The following GALNT13 variants were observed in gnomAD, a reference collection of about 807,000 sequenced individuals.
GALNT13 encodes the protein polypeptide N-acetylgalactosaminyltransferase 13, also known as UDP-GalNAc:polypeptide N-acetylgalactosaminyltransferase 13.
GALNT13 carries 28 observed loss-of-function variants against 64.2 expected under a neutral mutation model. That is an observed-to-expected ratio of 0.44 (90% CI 0.32 to 0.60). The LOEUF is 0.60. Among genes scored for constraint, GALNT13 ranks in the 20% least tolerant of loss-of-function variants. The probability of loss-of-function intolerance (pLI) is 0.05; values close to 1 mark genes in which losing one functional copy is unlikely to be tolerated. For missense variants in GALNT13, 577 were observed against 669.8 expected (o/e 0.86, Z 1.53); for synonymous variants, 214 against 224.6 (o/e 0.95, Z 0.42).
the GALNT13 span, among the ~76,000 whole-genome samples, chr2:153,441,388 T>C: frequency 1.2e-4 from 19 of 152,208 alleles, no homozygotes; most frequent in Non-Finnish European, 2.5e-4. Flanking sequence ...GCCTGATGCC[T>C]CCAGCTTTGT....
chr2:153,949,896 A>G (rs1438727735), intron 3 of GALNT13, among the ~76,000 whole-genome samples: 1 of 152,104 alleles, frequency 6.6e-6, no homozygotes, highest in Non-Finnish European at 1.5e-5. Context: ...AACCGAGAAT[A>G]AAGTGGCAAT....
chr2:154,022,250 A>G (rs879369728), intron 3 of GALNT13, among the ~76,000 whole-genome samples: 60 of 152,116 alleles, frequency 3.9e-4, no homozygotes, highest in Non-Finnish European at 7.1e-4. Flanking sequence ...CTCTTTTTCT[A>G]TTGATTGGAG....
the GALNT13 span, among the ~76,000 whole-genome samples, chr2:153,420,354 A>T: frequency 3.3e-5 from 5 of 152,324 alleles, no homozygotes; most frequent in African/African-American, 1.2e-4. Context: ...TTAAACATGT[A>T]TGACACTATT....
chr2:154,435,904 A>G (rs1033216511), intron 11 of GALNT13: 1 of 152,234 alleles, frequency 6.6e-6, no homozygotes, highest in Non-Finnish European at 1.5e-5. Context: ...TGGGTTAAAA[A>G]GCTAATGGAT....
chr2:153,725,722 T>C, the GALNT13 span, among the ~76,000 whole-genome samples: 3 of 151,498 alleles, frequency 2.0e-5, no homozygotes, highest in East Asian at 3.9e-4. Context: ...TGGATGCTAC[T>C]GGCAGCTGGT....
chr2:153,226,870 A>T, the GALNT13 span, among the ~76,000 whole-genome samples: 2 of 152,364 alleles, frequency 1.3e-5, no homozygotes, highest in East Asian at 1.9e-4. Context: ...CTAATGAAAG[A>T]TGTGAATAAT....
chr2:153,953,016 C>T (rs1407811645), intron 3 of GALNT13, among the ~76,000 whole-genome samples: 1 of 152,074 alleles, frequency 6.6e-6, no homozygotes, highest in African/African-American at 2.4e-5. Context: ...AGATGGTGCC[C>T]ACTCAGATTG....
At chr2:153,411,148 A>G in the GALNT13 span, among the ~76,000 whole-genome samples, 9 of 146,212 alleles carry the variant, frequency 6.2e-5, no homozygotes, top group East Asian at 1.4e-3. Flanking sequence ...GAGCCACTGT[A>G]CATGGCATAT....
the GALNT13 span, among the ~76,000 whole-genome samples, chr2:153,147,069 T>C: frequency 6.6e-6 from 1 of 151,954 alleles, no homozygotes; most frequent in South Asian, 2.1e-4. Flanking sequence ...TCTCATTTTA[T>C]AGGTGAGGAA....
At chr2:153,813,795 C>G in the GALNT13 span, among the ~76,000 whole-genome samples, 1 of 152,108 alleles carries the variant, frequency 6.6e-6, no homozygotes. Flanking sequence ...ACTTTAACAA[C>G]TATAATTTAT....
chr2:154,008,565 T>G (rs1003159602), intron 3 of GALNT13, among the ~76,000 whole-genome samples: 1 of 152,128 alleles, frequency 6.6e-6, no homozygotes, highest in Non-Finnish European at 1.5e-5. Flanking sequence ...TTGTAGTTTT[T>G]TGATCCCCAC....
chr2:154,244,341 G>A (rs1224863074), intron 6 of GALNT13, among the ~76,000 whole-genome samples: 4 of 152,084 alleles, frequency 2.6e-5, no homozygotes, highest in African/African-American at 4.8e-5. Flanking sequence ...TCTAATAAAG[G>A]AAGTGAGAAA....
the GALNT13 span, among the ~76,000 whole-genome samples, chr2:153,398,770 G>C: frequency 9.4e-6 from 1 of 106,556 alleles, no homozygotes; most frequent in South Asian, 2.5e-4. Flanking sequence ...TGATGGGGTT[G>C]TTTGTTTTTT....
At chr2:154,261,193 G>A (rs1002722664) in intron 8 of GALNT13, among the ~76,000 whole-genome samples, 2 of 152,050 alleles carry the variant, frequency 1.3e-5, no homozygotes, top group East Asian at 3.9e-4. Context: ...TGCAGCTAGG[G>A]GCTGTAAGAA....
At chr2:153,546,170 A>C in the GALNT13 span, among the ~76,000 whole-genome samples, 3 of 152,210 alleles carry the variant, frequency 2.0e-5, no homozygotes, top group Non-Finnish European at 4.4e-5. Context: ...ATTGCATTTA[A>C]AACTGGCATT....
At chr2:154,409,207 A>T in intron 11 of GALNT13, 125 bp downstream of exon 11, 1 of 711,764 alleles carries the variant, frequency 1.4e-6, no homozygotes, top group Non-Finnish European at 2.5e-6. Flanking sequence ...GTACACTCAA[A>T]TCTAGAACTA....
At chr2:153,593,824 T>C in the GALNT13 span, among the ~76,000 whole-genome samples, 6 of 152,198 alleles carry the variant, frequency 3.9e-5, no homozygotes, top group African/African-American at 1.4e-4. Flanking sequence ...TGACCCATTT[T>C]CTGGTGGTAT....
At chr2:153,700,354 A>G in the GALNT13 span, among the ~76,000 whole-genome samples, 2 of 152,154 alleles carry the variant, frequency 1.3e-5, no homozygotes, top group Non-Finnish European at 2.9e-5. Context: ...AAATAATAAC[A>G]TCTGTTTATG....
At chr2:154,383,580 T>G (rs1698375739) in intron 9 of GALNT13, among the ~76,000 whole-genome samples, 1 of 151,996 alleles carries the variant, frequency 6.6e-6, no homozygotes, top group Admixed American at 6.6e-5. Flanking sequence ...GTGTTTTTTC[T>G]TTACTAACTC....
Sources: gnomAD v4.1 joint callset for allele counts (sites outside exome capture counted in the v4.1 genomes callset) on GRCh38, gnomAD v4.1.1 for gene constraint, MANE v1.5 for transcripts, NCBI Gene and HGNC (gene_info 2026-07-23, HGNC 2026-07-21) for gene names.